The following PPM1L variants were observed in gnomAD, a reference collection of about 807,000 sequenced individuals.
PPM1L encodes the protein protein phosphatase 1L.
In PPM1L, 13 loss-of-function variants were observed where a neutral mutation model predicts 31.4. That is an observed-to-expected ratio of 0.41 (90% CI 0.27 to 0.66). The LOEUF (loss-of-function observed/expected upper bound fraction) is 0.66. Ranked by LOEUF, PPM1L falls within the 30% of genes least tolerant of loss-of-function variation. PPM1L has a pLI of 0.29. For missense variants in PPM1L, 326 were observed against 453.7 expected (o/e 0.72, Z 2.56); for synonymous variants, 184 against 175.4 (o/e 1.05, Z -0.39).
At chr3:160,993,817 TACAG>T (rs1717216118) in intron 2 of PPM1L, among the ~76,000 whole-genome samples, 1 of 152,164 alleles carries the variant, frequency 6.6e-6, no homozygotes, top group African/African-American at 2.4e-5. Context: ...AAATGGTATA[TACAG>T]ACAGACAGTG....
intron 1 of PPM1L, among the ~76,000 whole-genome samples, chr3:160,805,637 G>A (rs962682106): frequency 1.4e-4 from 21 of 152,122 alleles, no homozygotes; most frequent in African/African-American, 4.3e-4. Context: ...CAGCAGATTC[G>A]CTTGAACCCA....
chr3:160,803,957 G>A (rs1038021375), intron 1 of PPM1L, among the ~76,000 whole-genome samples: 3 of 152,094 alleles, frequency 2.0e-5, no homozygotes, highest in East Asian at 1.9e-4. Context: ...TCGCTCTGTC[G>A]CCCAGGATGG....
At chr3:160,968,632 T>C (rs1421304478) in intron 2 of PPM1L, among the ~76,000 whole-genome samples, 2 of 152,220 alleles carry the variant, frequency 1.3e-5, no homozygotes, top group African/African-American at 4.8e-5. Flanking sequence ...TTGTTAAGGA[T>C]ATGGTTTGTA....
intron 2 of PPM1L, among the ~76,000 whole-genome samples, chr3:160,981,639 G>A (rs1046955502): frequency 6.6e-6 from 1 of 152,008 alleles, no homozygotes; most frequent in African/African-American, 2.4e-5. Flanking sequence ...GCCTCTTGGA[G>A]GCTAACTACC....
chr3:160,784,102 G>T (rs943932430), intron 1 of PPM1L, among the ~76,000 whole-genome samples: 2 of 151,924 alleles, frequency 1.3e-5, no homozygotes, highest in African/African-American at 2.4e-5. Flanking sequence ...ATTCTTCTAG[G>T]TTAACTTGTA....
intron 1 of PPM1L, among the ~76,000 whole-genome samples, chr3:160,958,698 G>A (rs113792149): frequency 0.025 from 3,790 of 152,262 alleles, 82 homozygotes; most frequent in South Asian, 0.042. Context: ...ATTGAACAAT[G>A]TTTGGTGATG....
At chr3:161,037,116 A>T (rs1273226593) in intron 2 of PPM1L, among the ~76,000 whole-genome samples, 2 of 152,332 alleles carry the variant, frequency 1.3e-5, no homozygotes, top group Middle Eastern at 3.4e-3. Flanking sequence ...TTGCGGTGGA[A>T]CTTAATTCTT....
intron 1 of PPM1L, among the ~76,000 whole-genome samples, chr3:160,911,732 A>G (rs1046603502): frequency 6.6e-6 from 1 of 152,204 alleles, no homozygotes; most frequent in Admixed American, 6.5e-5. Context: ...GCCTTTTCAC[A>G]TATGGGAGTA....
chr3:160,772,523 A>G (rs188046217), intron 1 of PPM1L, among the ~76,000 whole-genome samples: 7 of 152,276 alleles, frequency 4.6e-5, no homozygotes, highest in East Asian at 3.9e-4. Flanking sequence ...AATTTTGCCA[A>G]TTTCTCTGGC....
intron 1 of PPM1L, among the ~76,000 whole-genome samples, chr3:160,809,315 A>G: frequency 6.6e-6 from 1 of 152,186 alleles, no homozygotes; most frequent in Non-Finnish European, 1.5e-5. Flanking sequence ...ATGGCTCTGA[A>G]GTAAAAAAAA....
At chr3:161,006,843 C>T (rs1357473687) in intron 2 of PPM1L, among the ~76,000 whole-genome samples, 1 of 152,084 alleles carries the variant, frequency 6.6e-6, no homozygotes, top group Non-Finnish European at 1.5e-5. Context: ...CCACCACGCC[C>T]AGCTAATTTT....
intron 2 of PPM1L, among the ~76,000 whole-genome samples, chr3:160,972,854 A>G (rs977414393): frequency 1.3e-5 from 2 of 152,114 alleles, no homozygotes; most frequent in Non-Finnish European, 2.9e-5. Context: ...CATCCTCTCC[A>G]GCACCTGTTG....
At chr3:160,973,749 C>G (rs1256585778) in intron 2 of PPM1L, among the ~76,000 whole-genome samples, 2 of 111,970 alleles carry the variant, frequency 1.8e-5, no homozygotes, top group Non-Finnish European at 3.9e-5. Context: ...GGTAAATTGC[C>G]TTCTGAAAGG....
In PPM1L at chr3:160,918,290, A is replaced by G. The variant is rs552186415; in HGVS notation, c.400-43446A>G. ...AGGACAGTTGTACCTGGCACATGGT[A>G]TAGAGTTAATACATAATTCTTAAAT... On this transcript the variant is annotated intron_variant, in intron 1 of 3. Coordinates refer to ENST00000498165, the MANE Select transcript of PPM1L (RefSeq NM_139245.4). 1.6e-4 allele frequency among the ~76,000 whole-genome samples: 24 copies of G among 152,384 alleles called. No individual in the cohort carries two copies. The South Asian group carries it at 3.9e-3, about 25-fold the overall frequency.
At chr3:160,820,220 A>G (rs529899783) in intron 1 of PPM1L, among the ~76,000 whole-genome samples, 110 of 152,176 alleles carry the variant, frequency 7.2e-4, no homozygotes, top group Non-Finnish European at 1.3e-3. Context: ...CATGGCATGG[A>G]GTTATTATTC....
chr3:160,815,016 A>T (rs1346849512), intron 1 of PPM1L, among the ~76,000 whole-genome samples: 1 of 152,040 alleles, frequency 6.6e-6, no homozygotes, highest in African/African-American at 2.4e-5. Flanking sequence ...GGGTAGAAGG[A>T]GGGTGAGGGA....
At chr3:161,044,884 G>A (rs899403861) in intron 2 of PPM1L, among the ~76,000 whole-genome samples, 2 of 152,104 alleles carry the variant, frequency 1.3e-5, no homozygotes, top group Non-Finnish European at 1.5e-5. Flanking sequence ...CCCATCTCAC[G>A]TGCAGAGACA....
intron 2 of PPM1L, among the ~76,000 whole-genome samples, chr3:161,010,486 G>A (rs1333176086): frequency 3.3e-5 from 5 of 152,128 alleles, no homozygotes; most frequent in East Asian, 1.9e-4. Context: ...ATAAACATAC[G>A]TGTCCATGTG....
rs1292225469 is a variant in PPM1L, at chr3:161,035,080, G to T, written c.575-30323G>T. 4.6e-5 allele frequency among the ~76,000 whole-genome samples: 7 copies of T among 151,442 alleles called. No homozygotes were observed. The South Asian group carries it at 1.5e-3, about 32-fold the overall frequency. On this transcript the variant is annotated intron_variant, in intron 2 of 3. Coordinates refer to ENST00000498165, the MANE Select transcript of PPM1L (RefSeq NM_139245.4). ...AGGGGAACATCACACACTGAGGCCT[G>T]TCAGGGGGTGGGGGGCAAGGGGAAG...
Sources: gnomAD v4.1 joint callset for allele counts (sites outside exome capture counted in the v4.1 genomes callset) on GRCh38, gnomAD v4.1.1 for gene constraint, MANE v1.5 for transcripts, NCBI Gene and HGNC (gene_info 2026-07-23, HGNC 2026-07-21) for gene names.